IL1RAPL2: variants seen among roughly 807,000 people sequenced by gnomAD.
The protein encoded by IL1RAPL2 is X-linked interleukin-1 receptor accessory protein-like 2.
Under a neutral mutation model 44.1 loss-of-function variants are expected in IL1RAPL2, and 3 were observed. The ratio of observed to expected loss-of-function variants is 0.07; its 90% CI spans 0.03 to 0.18. The LOEUF is 0.18. Among genes scored for constraint, IL1RAPL2 ranks in the 10% least tolerant of loss-of-function variants. IL1RAPL2 has a pLI of 1.00. For synonymous variants in IL1RAPL2, 181 were observed against 178.8 expected, an observed-to-expected ratio of 1.01 and a Z score of -0.10; for missense variants, 391 against 496.4, an observed-to-expected ratio of 0.79 and a Z score of 2.02.
At chrX:104,577,701 G>A (rs780999354) in intron 1 of IL1RAPL2, among the ~76,000 whole-genome samples, 1 of 111,293 alleles carries the variant, frequency 9.0e-6, no homozygotes, top group Non-Finnish European at 1.9e-5. Context: ...GAGGACACAA[G>A]AGCAGGGTGA....
chrX:105,372,506 G>A (rs754554898), intron 5 of IL1RAPL2, among the ~76,000 whole-genome samples: 1 of 110,773 alleles, frequency 9.0e-6, no homozygotes, highest in South Asian at 3.9e-4. Context: ...TTAAGTTCAG[G>A]GGTACATGTG....
At chrX:105,335,138 A>T (rs745503041) in intron 5 of IL1RAPL2, among the ~76,000 whole-genome samples, 1 of 110,666 alleles carries the variant, frequency 9.0e-6, no homozygotes, top group Non-Finnish European at 1.9e-5. Context: ...AAGGACTTCT[A>T]TGTGGCTGCC....
At chrX:105,263,235 C>G (rs2034374485) in intron 4 of IL1RAPL2, among the ~76,000 whole-genome samples, 1 of 52,803 alleles carries the variant, frequency 1.9e-5, no homozygotes. Flanking sequence ...AGAATACAGT[C>G]TCCAGGGGAA....
At chrX:105,148,725 T>C (rs1327861651) in intron 2 of IL1RAPL2, among the ~76,000 whole-genome samples, 1 of 111,848 alleles carries the variant, frequency 8.9e-6, no homozygotes, top group Non-Finnish European at 1.9e-5. Context: ...ATCTCAATAT[T>C]TGTGTCCCCC....
chrX:104,585,306 T>TAA (rs1262114283), intron 1 of IL1RAPL2, among the ~76,000 whole-genome samples: 2 of 21,157 alleles, frequency 9.5e-5, no homozygotes, highest in Non-Finnish European at 1.4e-4. Context: ...ATATTATATA[T>TAA]TATATAATAT....
At chrX:105,121,474 TTAACAGG>T (rs2032924567) in intron 2 of IL1RAPL2, among the ~76,000 whole-genome samples, 1 of 111,835 alleles carries the variant, frequency 8.9e-6, no homozygotes. Flanking sequence ...TACTGCCATT[TTAACAGG>T]GCTGTTGGTT....
chrX:105,471,496 G>A lies in IL1RAPL2; in HGVS notation c.698-12817G>A, dbSNP rs145383946. 7.5e-3 allele frequency among the ~76,000 whole-genome samples: 838 copies of A among 111,451 alleles called. 8 individuals are homozygous for A. Among genetic ancestry groups the A allele is most frequent in the African/African-American group, 0.026 (800 of 30,718 alleles). On this transcript the variant is annotated intron_variant, in intron 5 of 10. Coordinates refer to ENST00000372582, the MANE Select transcript of IL1RAPL2 (RefSeq NM_017416.2). ...AATGAACATCACAGACATTTCCAAG[G>A]TCTAGATACACATAAGACAGGTGGG...
At chrX:104,892,422 T>A (rs991362233) in intron 2 of IL1RAPL2, among the ~76,000 whole-genome samples, 1 of 111,761 alleles carries the variant, frequency 8.9e-6, no homozygotes, top group Non-Finnish European at 1.9e-5. Flanking sequence ...ATCTGTCTGC[T>A]CCTGGACTTT....
intron 2 of IL1RAPL2, among the ~76,000 whole-genome samples, chrX:104,981,055 T>TTGTGTGTGTGTGTG (rs199571900): frequency 1.3e-4 from 13 of 97,392 alleles, no homozygotes; most frequent in African/African-American, 4.3e-4. Flanking sequence ...TTCCAAGGTA[T>TTGTGTGTGTGTGTG]TGTGTGTGTG....
At chrX:105,001,009 C>G (rs1259008128) in intron 2 of IL1RAPL2, among the ~76,000 whole-genome samples, 1 of 111,485 alleles carries the variant, frequency 9.0e-6, no homozygotes, top group Non-Finnish European at 1.9e-5. Context: ...CACTGGAGTC[C>G]TTAGCCTTGC....
chrX:105,160,568 A>T (rs1203814452), intron 2 of IL1RAPL2, among the ~76,000 whole-genome samples: 1 of 110,803 alleles, frequency 9.0e-6, no homozygotes, highest in Non-Finnish European at 1.9e-5. Context: ...TCTCTGGAAA[A>T]AAAAATATAT....
chrX:105,688,833 C>G (rs979396091), intron 6 of IL1RAPL2, among the ~76,000 whole-genome samples: 1 of 111,762 alleles, frequency 8.9e-6, no homozygotes, highest in Non-Finnish European at 1.9e-5. Flanking sequence ...TACTACAAGG[C>G]TACAGTAACC....
intron 2 of IL1RAPL2, among the ~76,000 whole-genome samples, chrX:105,119,962 C>T (rs985440424): frequency 3.6e-5 from 4 of 109,714 alleles, no homozygotes; most frequent in Non-Finnish European, 5.7e-5. Flanking sequence ...CACAACAACT[C>T]TAAGGAGTAG....
chrX:105,324,552 A>G (rs2034921079), intron 5 of IL1RAPL2, among the ~76,000 whole-genome samples: 1 of 110,675 alleles, frequency 9.0e-6, no homozygotes, highest in Admixed American at 9.6e-5. Context: ...ATATATATGC[A>G]TGTTTTTTCT....
At chrX:105,710,976 G>A (rs1046328596) in intron 6 of IL1RAPL2, among the ~76,000 whole-genome samples, 1 of 105,819 alleles carries the variant, frequency 9.5e-6, no homozygotes, top group Non-Finnish European at 1.9e-5. Context: ...GTGTGCATAT[G>A]TATGTGTATA....
At chrX:104,764,169 C>G (rs1490956000) in intron 2 of IL1RAPL2, among the ~76,000 whole-genome samples, 5 of 106,970 alleles carry the variant, frequency 4.7e-5, no homozygotes, top group African/African-American at 1.7e-4. Context: ...CATTTTGACA[C>G]TACTGATTTT....
intron 5 of IL1RAPL2, among the ~76,000 whole-genome samples, chrX:105,441,130 G>A (rs1210666079): frequency 2.7e-5 from 3 of 111,976 alleles, no homozygotes; most frequent in East Asian, 2.8e-4. Flanking sequence ...TATGGACAAC[G>A]TAAAGTGCTA....
chrX:105,756,614 C>T (rs2038641706), intron 10 of IL1RAPL2, among the ~76,000 whole-genome samples: 1 of 111,821 alleles, frequency 8.9e-6, no homozygotes, highest in African/African-American at 3.2e-5. Context: ...ACAAAGAAGG[C>T]AATATTTACT....
chrX:105,553,449 G>C (rs1430177024), intron 6 of IL1RAPL2, among the ~76,000 whole-genome samples: 1 of 111,792 alleles, frequency 8.9e-6, no homozygotes, highest in Non-Finnish European at 1.9e-5. Context: ...GACTGACTTA[G>C]AGTGGGCTGA....
Sources: allele counts gnomAD v4.1 joint callset (sites outside exome capture counted in the v4.1 genomes callset), GRCh38; gene constraint gnomAD v4.1.1; transcripts MANE v1.5; gene names NCBI Gene and HGNC (gene_info 2026-07-23, HGNC 2026-07-21).